Variants in CEP112 observed in about 807,000 individuals in gnomAD.
CEP112 encodes centrosomal protein 112.
In CEP112, 127 loss-of-function variants were observed where a neutral mutation model predicts 153.0. That is an observed-to-expected ratio of 0.83 (90% CI 0.72 to 0.96). CEP112 has a LOEUF of 0.96. Among genes scored for constraint, CEP112 ranks in the 40% least tolerant of loss-of-function variants. CEP112 has a pLI of 0.00. For missense variants in CEP112, 1,089 were observed against 1,101.2 expected (o/e 0.99, Z 0.16); for synonymous variants, 358 against 374.4 (o/e 0.96, Z 0.51).
chr17:66,085,113 A>C (rs1261392910), intron 8 of CEP112, among the ~76,000 whole-genome samples: 1 of 152,250 alleles, frequency 6.6e-6, no homozygotes, highest in Non-Finnish European at 1.5e-5. Context: ...GTTAATAACA[A>C]AATGGAAAAA....
intron 20 of CEP112, among the ~76,000 whole-genome samples, chr17:65,865,551 C>T (rs2058455832): frequency 6.6e-6 from 1 of 152,198 alleles, no homozygotes; most frequent in African/African-American, 2.4e-5. Context: ...CTGGGCAGGA[C>T]CCACTTCCAG....
chr17:65,680,121 T>C (rs1266061978), intron 24 of CEP112, among the ~76,000 whole-genome samples: 3 of 152,072 alleles, frequency 2.0e-5, no homozygotes, highest in African/African-American at 7.2e-5. Context: ...GAAAGGTGGG[T>C]GCCACGGGCA....
chr17:65,733,618 C>T (rs2050638172), intron 23 of CEP112, among the ~76,000 whole-genome samples: 1 of 152,168 alleles, frequency 6.6e-6, no homozygotes, highest in Admixed American at 6.5e-5. Flanking sequence ...GATCTGAGTT[C>T]TCTCCCCATA....
intron 22 of CEP112, among the ~76,000 whole-genome samples, chr17:65,747,281 G>A (rs372986696): frequency 6.7e-6 from 1 of 148,954 alleles, no homozygotes; most frequent in African/African-American, 2.6e-5. Flanking sequence ...GTGCATTCTG[G>A]GTTGGCCCCC....
At chr17:66,086,098 A>G (rs2067918058) in intron 8 of CEP112, among the ~76,000 whole-genome samples, 1 of 152,106 alleles carries the variant, frequency 6.6e-6, no homozygotes, top group African/African-American at 2.4e-5. Flanking sequence ...TTCAGCAATA[A>G]TTATCTCTGA....
chr17:66,096,664 T>G, intron 6 of CEP112, 32 bp from the exon 7 acceptor site: 4 of 1,373,148 alleles, frequency 2.9e-6, no homozygotes, highest in Non-Finnish European at 4.1e-6. Context: ...AAAATAAGGA[T>G]TTATTAATTT....
At chr17:66,131,481 CCTGTCATCCCAGCA>C (rs1364491450) in intron 5 of CEP112, among the ~76,000 whole-genome samples, 1 of 152,180 alleles carries the variant, frequency 6.6e-6, no homozygotes, top group Non-Finnish European at 1.5e-5. Flanking sequence ...GTGGCTCACG[CCTGTCATCCCAGCA>C]CTTTGGGAGG....
At chr17:66,144,909 T>C (rs924479704) in intron 4 of CEP112, among the ~76,000 whole-genome samples, 2 of 152,158 alleles carry the variant, frequency 1.3e-5, no homozygotes, top group Middle Eastern at 3.2e-3. Flanking sequence ...TGCTGGGTCA[T>C]ATGGTAAGTT....
chr17:66,105,212 A>G (rs898097799), intron 6 of CEP112, among the ~76,000 whole-genome samples: 3 of 152,210 alleles, frequency 2.0e-5, no homozygotes, highest in African/African-American at 7.2e-5. Context: ...TTAAATGATC[A>G]GCAGTTTAAT....
At chr17:66,154,743 C>CA (rs144907841) in intron 4 of CEP112, among the ~76,000 whole-genome samples, 26,719 of 147,662 alleles carry the variant, frequency 0.18, 2,542 homozygotes, top group Non-Finnish European at 0.22. Context: ...AAACAGGAAA[C>CA]AAAAAAAAAC....
intron 21 of CEP112, among the ~76,000 whole-genome samples, chr17:65,848,103 AT>A (rs2057793861): frequency 6.6e-6 from 1 of 152,192 alleles, no homozygotes; most frequent in African/African-American, 2.4e-5. Context: ...GTTCCTCTCC[AT>A]TAGTCCCTTT....
intron 21 of CEP112, among the ~76,000 whole-genome samples, chr17:65,805,325 C>A (rs894353098): frequency 6.6e-6 from 1 of 152,200 alleles, no homozygotes; most frequent in Non-Finnish European, 1.5e-5. Context: ...TAGTCCCTTG[C>A]TCATGCTACT....
At chr17:66,145,770 T>C (rs1484010433) in intron 4 of CEP112, among the ~76,000 whole-genome samples, 1 of 152,138 alleles carries the variant, frequency 6.6e-6, no homozygotes, top group Non-Finnish European at 1.5e-5. Flanking sequence ...CCTAACTTTC[T>C]CTTCTTTTCT....
At chr17:65,995,945 C>T (rs1416790652) in intron 17 of CEP112, among the ~76,000 whole-genome samples, 3 of 152,194 alleles carry the variant, frequency 2.0e-5, no homozygotes, top group African/African-American at 4.8e-5. Context: ...TCGCTTTCCA[C>T]CATGATTGTG....
intron 18 of CEP112, among the ~76,000 whole-genome samples, chr17:65,957,193 T>C (rs1000791462): frequency 2.0e-5 from 3 of 152,208 alleles, no homozygotes; most frequent in African/African-American, 7.2e-5. Context: ...GGGACTACTG[T>C]ACTTATTGGA....
At chr17:65,878,054 G>A (rs1017516765) in intron 20 of CEP112, among the ~76,000 whole-genome samples, 1 of 152,122 alleles carries the variant, frequency 6.6e-6, no homozygotes, top group African/African-American at 2.4e-5. Context: ...GGGAAGTGTT[G>A]GTCAAATGAT....
At chr17:65,990,452 G>A (rs1048281012) in intron 17 of CEP112, among the ~76,000 whole-genome samples, 7 of 152,222 alleles carry the variant, frequency 4.6e-5, no homozygotes, top group Non-Finnish European at 1.0e-4. Context: ...CAGCCAGATA[G>A]CATCTGTGCT....
rs1490576943 is a variant in CEP112 at position 65,640,151 on chromosome 17, TA to T, written c.2799+812del. On this transcript the variant is annotated intron_variant, in intron 25 of 26. Coordinates refer to ENST00000535342, the MANE Select transcript of CEP112 (RefSeq NM_001199165.4). ...CTGCACCCGACCATATATATATATA[TA>T]TATTTTTTTTTTTTTTTTTTTGAGA... Among the ~76,000 whole-genome samples the T allele has an allele frequency of 2.3e-4, 22 of 97,718 alleles. 1 individual carries two copies. Among genetic ancestry groups the T allele is most frequent in the South Asian group, 9.2e-4 (3 of 3,270 alleles). 64.1% of individuals were successfully genotyped at this position (97,718 alleles called of 152,430 possible).
intron 18 of CEP112, among the ~76,000 whole-genome samples, chr17:65,933,168 G>C (rs2061184563): frequency 6.6e-6 from 1 of 151,826 alleles, no homozygotes; most frequent in Admixed American, 6.6e-5. Flanking sequence ...AATAAAGAAG[G>C]CTTATGAAAA....
Sources: allele counts gnomAD v4.1 joint callset (sites outside exome capture counted in the v4.1 genomes callset), GRCh38; gene constraint gnomAD v4.1.1; transcripts MANE v1.5; gene names NCBI Gene and HGNC (gene_info 2026-07-23, HGNC 2026-07-21).